Variants in TXNRD1 observed in about 807,000 individuals in gnomAD.
The protein encoded by TXNRD1 is thioredoxin reductase 1.
In TXNRD1, 57 loss-of-function variants were observed where a neutral mutation model predicts 80.3. That is an observed-to-expected ratio of 0.71 (90% CI 0.57 to 0.89). The LOEUF (loss-of-function observed/expected upper bound fraction) is 0.89. TXNRD1 is among the 40% of genes least tolerant of loss of function. The pLI, the probability that TXNRD1 is intolerant of heterozygous loss-of-function variation, is 0.00. For synonymous variants in TXNRD1, 291 were observed against 285.2 expected (o/e 1.02, Z -0.20); for missense variants, 730 against 803.0 (o/e 0.91, Z 1.10).
intron 1 of TXNRD1, among the ~76,000 whole-genome samples, chr12:104,228,966 G>A (rs1056876373): frequency 1.8e-4 from 27 of 151,448 alleles, no homozygotes; most frequent in African/African-American, 5.3e-4. Flanking sequence ...TGATCCCCCC[G>A]CCTCGGCCTC....
intron 4 of TXNRD1, chr12:104,304,125 ACTC>A (rs1361763980): frequency 1.2e-6 from 2 of 1,613,588 alleles, no homozygotes; most frequent in African/African-American, 2.7e-5. Context: ...TCGGCGAACA[ACTC>A]CTTAACCGAG....
intron 1 of TXNRD1, among the ~76,000 whole-genome samples, chr12:104,241,388 T>G (rs1394451114): frequency 6.6e-6 from 1 of 152,022 alleles, no homozygotes. Flanking sequence ...TCTTTTTTTT[T>G]GAGATGGAGT....
intron 3 of TXNRD1, among the ~76,000 whole-genome samples, chr12:104,270,915 G>A (rs747049338): frequency 8.5e-5 from 13 of 152,096 alleles, no homozygotes; most frequent in Admixed American, 5.2e-4. Flanking sequence ...TTGGGAGGCC[G>A]AGGGGGGTGG....
Position 104,215,833 on chromosome 12 carries a change from G to A in TXNRD1, c.31G>A (p.Ala11Thr), listed in dbSNP as rs1308264234. The change falls in exon 1 of 17, where the codon GCG (alanine) becomes ACG (threonine). Residue 11 changes from alanine to threonine, a missense_variant. By Grantham distance (58) the Ala-to-Thr change is moderately conservative. Coordinates refer to ENST00000525566, the MANE Select transcript of TXNRD1 (RefSeq NM_001093771.3). MGCAEGKAVA[A>T]AAPTELQTKG... is the part of the protein sequence containing the mutation. ...CTGCGCCGAGGGCAAGGCAGTGGCG[G>A]CGGCCGCCCCAACGGAGCTGCAGAC... 3.2e-6 allele frequency: 5 copies of A among 1,563,126 alleles called. No individual in the cohort carries two copies. In the East Asian group the frequency reaches 1.2e-4, roughly 37 times the overall value.
chr12:104,286,331 G>A (rs139950977), intron 3 of TXNRD1, among the ~76,000 whole-genome samples: 9 of 152,218 alleles, frequency 5.9e-5, no homozygotes, highest in African/African-American at 2.2e-4. Flanking sequence ...TGCAGCTGGA[G>A]TTAAAAGACA....
intron 1 of TXNRD1, among the ~76,000 whole-genome samples, chr12:104,235,382 G>T (rs183706692): frequency 6.6e-6 from 1 of 152,294 alleles, no homozygotes; most frequent in Admixed American, 6.5e-5. Flanking sequence ...ATGGCTGGAA[G>T]GTTGTTTACC....
intron 4 of TXNRD1, among the ~76,000 whole-genome samples, chr12:104,293,830 C>CTATT (rs1396637415): frequency 2.6e-5 from 4 of 152,102 alleles, no homozygotes; most frequent in Non-Finnish European, 5.9e-5. Context: ...TCGGGCTGCA[C>CTATT]TATTATTTAT....
intron 8 of TXNRD1, 87 bp downstream of exon 8, chr12:104,319,142 T>C: frequency 7.0e-7 from 1 of 1,429,066 alleles, no homozygotes; most frequent in Non-Finnish European, 9.4e-7. Context: ...AGTATTATAA[T>C]AAAAGTAATA....
Position 104,321,123 on chromosome 12 carries a change from G to A in TXNRD1, c.1022G>A (p.Gly341Asp). The A allele has an allele frequency of 6.2e-7, 1 of 1,611,674 alleles. No homozygotes were observed. ...DDLFSLPYCPGKTLVVGASYV... is the reference protein window; with the variant it reads ...DDLFSLPYCPDKTLVVGASYV... ...CTTTTCTCCTTGCCTTACTGCCCGGGTAAGACCCTGGTTGTTGGAGCATCC... is the reference window on the plus strand; with the variant it reads ...CTTTTCTCCTTGCCTTACTGCCCGGATAAGACCCTGGTTGTTGGAGCATCC... Residue 341 changes from glycine to aspartate, a missense_variant, in exon 10 of 17, where the codon GGT becomes GAT. Gly to Asp is a moderately conservative substitution (Grantham distance 94). Transcript: ENST00000525566.
chr12:104,310,501 A>G (rs901187131), intron 4 of TXNRD1, among the ~76,000 whole-genome samples: 1 of 152,190 alleles, frequency 6.6e-6, no homozygotes, highest in African/African-American at 2.4e-5. Flanking sequence ...TTTCTCAGTC[A>G]TTATCTCTTG....
intron 10 of TXNRD1, among the ~76,000 whole-genome samples, chr12:104,323,602 A>T (rs12818270): frequency 5.9e-5 from 1 of 17,068 alleles, no homozygotes. Flanking sequence ...CCTCCCTCCC[A>T]GACGGGGCGG....
Position 104,254,020 on chromosome 12 carries a change from G to A in TXNRD1, c.243+2342G>A, listed in dbSNP as rs576296086. ...AGGGTTTTCTTAGTTCTGAAATTAC[G>A]TGCTTGTCTAGTCTTTTTCGTTACC... On this transcript the variant is annotated intron_variant, in intron 2 of 16. Transcript: ENST00000525566. Among the ~76,000 whole-genome samples the A allele has an allele frequency of 2.0e-5, 3 of 152,216 alleles. No individual in the cohort carries two copies. In the South Asian group the frequency reaches 6.2e-4, roughly 32 times the overall value.
At chr12:104,269,399 C>CTTTTT (rs71069741) in intron 3 of TXNRD1, among the ~76,000 whole-genome samples, 5 of 120,452 alleles carry the variant, frequency 4.2e-5, no homozygotes, top group Non-Finnish European at 6.9e-5. Flanking sequence ...GTGTTTCTTT[C>CTTTTT]TTTTTTTTTT....
At chr12:104,271,183 CTTTT>C (rs1165430972) in intron 3 of TXNRD1, among the ~76,000 whole-genome samples, 6 of 127,336 alleles carry the variant, frequency 4.7e-5, no homozygotes, top group Admixed American at 8.4e-5. Flanking sequence ...TTAGTTCTTT[CTTTT>C]TTTTTTTTTT....
intron 4 of TXNRD1, among the ~76,000 whole-genome samples, chr12:104,300,825 T>C (rs1371405723): frequency 6.6e-6 from 1 of 152,200 alleles, no homozygotes; most frequent in Non-Finnish European, 1.5e-5. Context: ...TTTCTATTTT[T>C]AGTAGAGACG....
intron 11 of TXNRD1, among the ~76,000 whole-genome samples, chr12:104,326,083 T>G (rs1216305029): frequency 1.3e-5 from 2 of 152,180 alleles, no homozygotes; most frequent in Non-Finnish European, 2.9e-5. Context: ...TCTTTAAACT[T>G]GGATAGGTTT....
At chr12:104,306,451 G>A (rs117119153) in intron 4 of TXNRD1, among the ~76,000 whole-genome samples, 640 of 152,214 alleles carry the variant, frequency 4.2e-3, no homozygotes, top group Non-Finnish European at 7.4e-3. Context: ...TTTGGTAGTC[G>A]TGGAATTTTG....
chr12:104,309,929 A>G, intron 4 of TXNRD1: 1 of 1,536,048 alleles, frequency 6.5e-7, no homozygotes, highest in East Asian at 2.4e-5. Context: ...GCCACTACGT[A>G]TGCCCGCCAT....
chr12:104,289,172 A>C, intron 4 of TXNRD1, 132 bp downstream of exon 4: 1 of 1,079,040 alleles, frequency 9.3e-7, no homozygotes, highest in Non-Finnish European at 1.3e-6. Context: ...ATGACGAAAA[A>C]CGCTCGTGGG....
Sources: gnomAD v4.1 joint callset for allele counts (sites outside exome capture counted in the v4.1 genomes callset) on GRCh38, gnomAD v4.1.1 for gene constraint, MANE v1.5 for transcripts, NCBI Gene and HGNC (gene_info 2026-07-23, HGNC 2026-07-21) for gene names.